GRID2: variants seen among roughly 807,000 people sequenced by gnomAD.
GRID2 encodes glutamate receptor ionotropic, delta-2.
In GRID2, 33 loss-of-function variants were observed where a neutral mutation model predicts 114.8. The ratio of observed to expected loss-of-function variants is 0.29; its 90% CI spans 0.22 to 0.38. The LOEUF (loss-of-function observed/expected upper bound fraction) is 0.38. Ranked by LOEUF, GRID2 falls within the 10% of genes least tolerant of loss-of-function variation. GRID2 has a pLI of 1.00. For missense variants in GRID2, 1,184 were observed against 1,257.7 expected (o/e 0.94, Z 0.89); for synonymous variants, 505 against 449.9 (o/e 1.12, Z -1.55).
chr4:92,922,239 A>G (rs931798230), intron 2 of GRID2, among the ~76,000 whole-genome samples: 14 of 151,942 alleles, frequency 9.2e-5, no homozygotes, highest in Admixed American at 3.9e-4. Flanking sequence ...TCCAGGTGCC[A>G]TCGTCACCCC....
chr4:92,432,003 C>G (rs1732481264), intron 1 of GRID2, among the ~76,000 whole-genome samples: 1 of 152,244 alleles, frequency 6.6e-6, no homozygotes, highest in South Asian at 2.1e-4. Flanking sequence ...TGTAGAGATA[C>G]CACTTTGGTG....
intron 7 of GRID2, among the ~76,000 whole-genome samples, chr4:93,225,324 G>C (rs1745364864): frequency 6.6e-6 from 1 of 151,872 alleles, no homozygotes; most frequent in Admixed American, 6.6e-5. Flanking sequence ...AATCTGTTTG[G>C]CTTAGCTACC....
At chr4:92,585,213 G>T (rs753702650) in intron 1 of GRID2, among the ~76,000 whole-genome samples, 1 of 151,812 alleles carries the variant, frequency 6.6e-6, no homozygotes. Context: ...GAAAAATTTG[G>T]GGGGTAGAGA....
chr4:92,568,937 T>G (rs889474014), intron 1 of GRID2, among the ~76,000 whole-genome samples: 1 of 152,024 alleles, frequency 6.6e-6, no homozygotes, highest in African/African-American at 2.4e-5. Context: ...TATTCCATGA[T>G]GTATATGTAC....
intron 2 of GRID2, among the ~76,000 whole-genome samples, chr4:92,922,627 A>T (rs1749459224): frequency 6.6e-6 from 1 of 152,236 alleles, no homozygotes; most frequent in Non-Finnish European, 1.5e-5. Flanking sequence ...CTCACTATGT[A>T]ATAGTCCAAA....
intron 1 of GRID2, among the ~76,000 whole-genome samples, chr4:92,579,478 T>C (rs916958491): frequency 6.6e-6 from 1 of 152,024 alleles, no homozygotes; most frequent in African/African-American, 2.4e-5. Flanking sequence ...CCCTAACACA[T>C]TATTCCAAAA....
chr4:93,458,415 G>C lies in GRID2; in HGVS notation c.1858+2441G>C, dbSNP rs140077362. On this transcript the variant is annotated intron_variant, in intron 11 of 15. Transcript: ENST00000282020. ...TGTCTGGTGGTTGATGCGGTCTGTG[G>C]GCTAGTGGCCTCAGCTTTTTCTCCA... Among the ~76,000 whole-genome samples, 179 of 152,154 alleles carry C rather than the reference G, an allele frequency of 1.2e-3. 3 individuals are homozygous for C. In the East Asian group the frequency reaches 0.029, roughly 24 times the overall value.
rs181285704 is a variant in GRID2 at position 93,495,720 on chromosome 4, A to G, written c.1997+4943A>G. Among the ~76,000 whole-genome samples the G allele has an allele frequency of 8.6e-5, 13 of 151,848 alleles. No homozygotes were observed. In the East Asian group the frequency reaches 2.5e-3, roughly 30 times the overall value. ...ACTAGTATGTCTCTACTTGATACGAATATGTCTCTACTTTTTTCAAGGGCT... is the reference window on the plus strand; with the variant it reads ...ACTAGTATGTCTCTACTTGATACGAGTATGTCTCTACTTTTTTCAAGGGCT... On this transcript the variant is annotated intron_variant, in intron 12 of 15. Transcript: ENST00000282020.
At chr4:92,365,866 T>G (rs1579245706) in intron 1 of GRID2, among the ~76,000 whole-genome samples, 1 of 152,198 alleles carries the variant, frequency 6.6e-6, no homozygotes, top group African/African-American at 2.4e-5. Flanking sequence ...TGTAATCACT[T>G]CTCTGCCACT....
At chr4:93,528,169 T>C (rs775363603) in intron 13 of GRID2, among the ~76,000 whole-genome samples, 4 of 151,786 alleles carry the variant, frequency 2.6e-5, no homozygotes, top group Non-Finnish European at 5.9e-5. Context: ...TATATGTATA[T>C]ACATATACAC....
chr4:93,710,452 G>A (rs1466810413), intron 14 of GRID2, among the ~76,000 whole-genome samples: 1 of 152,140 alleles, frequency 6.6e-6, no homozygotes, highest in Non-Finnish European at 1.5e-5. Context: ...TTTCTACGGT[G>A]AGCTGCTTGA....
At chr4:92,358,082 A>C (rs997653088) in intron 1 of GRID2, among the ~76,000 whole-genome samples, 2 of 151,930 alleles carry the variant, frequency 1.3e-5, no homozygotes, top group Non-Finnish European at 1.5e-5. Flanking sequence ...GGATTTAATG[A>C]GGAGAAAAGA....
At chr4:93,323,014 G>T (rs1240205672) in intron 8 of GRID2, among the ~76,000 whole-genome samples, 1 of 152,078 alleles carries the variant, frequency 6.6e-6, no homozygotes, top group African/African-American at 2.4e-5. Context: ...CACTCTGATG[G>T]TAGTTTCTTT....
intron 8 of GRID2, among the ~76,000 whole-genome samples, chr4:93,342,505 A>G (rs545384809): frequency 6.6e-6 from 1 of 152,182 alleles, no homozygotes; most frequent in African/African-American, 2.4e-5. Context: ...ACTCTTCACA[A>G]TTTGTAATGA....
chr4:92,854,231 C>CA (rs1237157742), intron 2 of GRID2, among the ~76,000 whole-genome samples: 1 of 151,982 alleles, frequency 6.6e-6, no homozygotes, highest in Admixed American at 6.6e-5. Flanking sequence ...TAAAATCACA[C>CA]AAAATGTTTG....
intron 8 of GRID2, among the ~76,000 whole-genome samples, chr4:93,313,510 A>G (rs1014755104): frequency 1.3e-5 from 2 of 152,188 alleles, no homozygotes; most frequent in Non-Finnish European, 2.9e-5. Context: ...ATTGTTAACA[A>G]CAGCTCTAAG....
chr4:93,774,118 A>G lies in GRID2; in HGVS notation c.*1620A>G, dbSNP rs1485384686. ...AGAAATTAAAAGGTATATTCTTAAGATATATTATATTTTGATGCTAATTCT... is the reference window on the plus strand; with the variant it reads ...AGAAATTAAAAGGTATATTCTTAAGGTATATTATATTTTGATGCTAATTCT... On this transcript the variant is annotated 3_prime_UTR_variant, in exon 16 of 16. Coordinates refer to ENST00000282020, the MANE Select transcript of GRID2 (RefSeq NM_001510.4). The G allele has an allele frequency of 2.6e-5, 4 of 152,052 alleles. No individual in the cohort carries two copies. The South Asian group carries it at 6.2e-4, about 24-fold the overall frequency. The allele number at this position is 152,052 out of a possible 1,614,324, so 9.4% of individuals were successfully genotyped here.
intron 2 of GRID2, among the ~76,000 whole-genome samples, chr4:92,961,413 T>C (rs1225380594): frequency 6.6e-6 from 1 of 151,346 alleles, no homozygotes; most frequent in Non-Finnish European, 1.5e-5. Context: ...AAAATTCTTA[T>C]TTCTCTTTCA....
intron 2 of GRID2, among the ~76,000 whole-genome samples, chr4:92,983,399 TA>T: frequency 6.6e-6 from 1 of 152,188 alleles, no homozygotes; most frequent in Non-Finnish European, 1.5e-5. Flanking sequence ...CCTCATGATC[TA>T]TTCAGCTCTT....
Sources: allele counts gnomAD v4.1 joint callset (sites outside exome capture counted in the v4.1 genomes callset), GRCh38; gene constraint gnomAD v4.1.1; transcripts MANE v1.5; gene names NCBI Gene and HGNC (gene_info 2026-07-23, HGNC 2026-07-21).